The following TLN2 variants were observed in gnomAD, a reference collection of about 807,000 sequenced individuals.
TLN2 encodes talin-2.
In TLN2, 118 loss-of-function variants were observed where a neutral mutation model predicts 294.7. That is an observed-to-expected ratio of 0.40 (90% confidence interval 0.34 to 0.47). TLN2 has a LOEUF of 0.47. TLN2 is among the 20% of genes least tolerant of loss of function. The pLI, the probability that TLN2 is intolerant of heterozygous loss-of-function variation, is 0.84. For missense variants in TLN2, 3,083 were observed against 3,282.2 expected (o/e 0.94, Z 1.48); for synonymous variants, 1,431 against 1,304.5 (o/e 1.10, Z -2.09).
chr15:62,586,457 T>G (rs1489153835), intron 1 of TLN2, among the ~76,000 whole-genome samples: 1 of 152,236 alleles, frequency 6.6e-6, no homozygotes, highest in African/African-American at 2.4e-5. Context: ...CAAGGAATTA[T>G]GACTTTTTAG....
chr15:62,735,280 C>T (rs1241642630), intron 28 of TLN2, among the ~76,000 whole-genome samples: 1 of 152,200 alleles, frequency 6.6e-6, no homozygotes, highest in Non-Finnish European at 1.5e-5. Flanking sequence ...CAGTCTTCAT[C>T]CTCTTCTTGG....
intron 1 of TLN2, among the ~76,000 whole-genome samples, chr15:62,413,898 T>TGGGGAAACAGCAGCCCAACAAAACAGG (rs1555404090): frequency 2.8e-5 from 4 of 142,934 alleles, no homozygotes; most frequent in Admixed American, 1.5e-4. Flanking sequence ...ATGCCTATTT[T>TGGGGAAACAGCAGCCCAACAAAACAGG]ATTTTTGTCC....
intron 52 of TLN2, among the ~76,000 whole-genome samples, chr15:62,814,948 AATG>A (rs1308369719): frequency 1.6e-4 from 24 of 152,284 alleles, no homozygotes; most frequent in African/African-American, 5.5e-4. Flanking sequence ...TCCAACAAGA[AATG>A]AGGAAAATGA....
intron 1 of TLN2, among the ~76,000 whole-genome samples, chr15:62,410,087 C>T (rs141338202): frequency 0.027 from 4,170 of 152,088 alleles, 65 homozygotes; most frequent in Middle Eastern, 0.071. Context: ...ACTAAAAATA[C>T]AAAAATTAGC....
chr15:62,737,597 C>T (rs973324291), intron 29 of TLN2, among the ~76,000 whole-genome samples: 4 of 152,158 alleles, frequency 2.6e-5, no homozygotes, highest in Non-Finnish European at 5.9e-5. Flanking sequence ...AATGACACTC[C>T]CCACCTCCAA....
chr15:62,613,766 A>C lies in TLN2; in HGVS notation c.-161-4585A>C, dbSNP rs755392738. The stretch of plus-strand genomic sequence containing the variant: ...TCCATTCAGGGGACTAAGACTAAGC[A>C]TGAAAGACAAAGACAAATGATCTCT... On this transcript the variant is annotated intron_variant, in intron 2 of 58. Transcript: ENST00000636159. Among the ~76,000 whole-genome samples, 92 of 152,042 alleles carry C rather than the reference A, an allele frequency of 6.1e-4. 1 individual carries two copies. Among genetic ancestry groups the C allele is most frequent in the Non-Finnish European group, 6.5e-4 (44 of 68,010 alleles).
chr15:62,651,341 A>T (rs2052563823), intron 5 of TLN2, among the ~76,000 whole-genome samples: 1 of 152,146 alleles, frequency 6.6e-6, no homozygotes, highest in Non-Finnish European at 1.5e-5. Context: ...TTATGAAAGC[A>T]GTTATTTAGC....
intron 1 of TLN2, among the ~76,000 whole-genome samples, chr15:62,483,356 T>C (rs544861143): frequency 1.2e-4 from 19 of 152,322 alleles, no homozygotes; most frequent in African/African-American, 4.6e-4. Context: ...CCTTCTGTGT[T>C]GTAGTCAGCA....
chr15:62,578,306 C>T (rs1482062347), intron 1 of TLN2, among the ~76,000 whole-genome samples: 1 of 152,210 alleles, frequency 6.6e-6, no homozygotes, highest in Non-Finnish European at 1.5e-5. Flanking sequence ...GTGTCTCACG[C>T]CTGTAATCTC....
At chr15:62,421,810 CTTAAAAG>C (rs2034418876) in intron 1 of TLN2, among the ~76,000 whole-genome samples, 1 of 151,810 alleles carries the variant, frequency 6.6e-6, no homozygotes, top group African/African-American at 2.4e-5. Context: ...TAACCCTGAA[CTTAAAAG>C]TTAAATAAAA....
Position 62,689,183 on chromosome 15 carries a change from T to A in TLN2, c.1113+2387T>A, listed in dbSNP as rs1017234153. ...CTTTGTGTAGTGTTCTTAGTGGTTA[T>A]TTTGGATATTACCATGTCCATATGA... On this transcript the variant is annotated intron_variant, in intron 12 of 58. Transcript: ENST00000636159. 6.6e-5 allele frequency among the ~76,000 whole-genome samples: 10 copies of A among 152,214 alleles called. No individual in the cohort carries two copies. In the East Asian group the frequency reaches 1.2e-3, roughly 18 times the overall value.
chr15:62,658,845 A>G (rs2053519890), intron 9 of TLN2, among the ~76,000 whole-genome samples: 1 of 152,162 alleles, frequency 6.6e-6, no homozygotes, highest in South Asian at 2.1e-4. Context: ...GGCCCCTCAG[A>G]TACAACTGAT....
At chr15:62,777,546 G>C (rs1303293294) in intron 43 of TLN2, among the ~76,000 whole-genome samples, 1 of 128,326 alleles carries the variant, frequency 7.8e-6, no homozygotes, top group Admixed American at 7.6e-5. Context: ...AAAAAAAAAA[G>C]TGATTCCCAA....
At chr15:62,564,905 C>CAAAAAAAA (rs60087745) in intron 1 of TLN2, among the ~76,000 whole-genome samples, 1 of 112,834 alleles carries the variant, frequency 8.9e-6, no homozygotes, top group African/African-American at 3.6e-5. Flanking sequence ...AACTCCATCT[C>CAAAAAAAA]AAAAAAAAAA....
At chr15:62,600,895 A>G (rs2046942247) in intron 2 of TLN2, among the ~76,000 whole-genome samples, 1 of 152,240 alleles carries the variant, frequency 6.6e-6, no homozygotes, top group Non-Finnish European at 1.5e-5. Context: ...CCAAAAATGT[A>G]AACGTTATTA....
chr15:62,836,268 G>T (rs2069557079), intron 57 of TLN2, 195 bp downstream of exon 57: 5 of 834,064 alleles, frequency 6.0e-6, no homozygotes, highest in Non-Finnish European at 9.3e-6. Flanking sequence ...TTCTCCTCGT[G>T]TGCCTTCTGG....
At chr15:62,422,314 A>C (rs2034458817) in intron 1 of TLN2, among the ~76,000 whole-genome samples, 1 of 151,866 alleles carries the variant, frequency 6.6e-6, no homozygotes, top group Non-Finnish European at 1.5e-5. Flanking sequence ...GAATCACCTA[A>C]GATGTTGTTT....
chr15:62,673,322 T>C (rs200139606), intron 9 of TLN2, among the ~76,000 whole-genome samples: 4 of 140,184 alleles, frequency 2.9e-5, no homozygotes, highest in African/African-American at 1.1e-4. Flanking sequence ...TTTTTTTTTT[T>C]TTTTTTGCAA....
intron 54 of TLN2, among the ~76,000 whole-genome samples, chr15:62,823,632 G>C (rs895349774): frequency 2.0e-5 from 3 of 152,310 alleles, no homozygotes; most frequent in African/African-American, 7.2e-5. Flanking sequence ...CAGGTTGCCT[G>C]TTTTTAAAGG....
Sources: gnomAD v4.1 joint callset for allele counts (sites outside exome capture counted in the v4.1 genomes callset) on GRCh38, gnomAD v4.1.1 for gene constraint, MANE v1.5 for transcripts, NCBI Gene and HGNC (gene_info 2026-07-23, HGNC 2026-07-21) for gene names.